Variants in KIRREL3 observed in about 807,000 individuals in gnomAD.
KIRREL3 encodes the protein kirre like nephrin family adhesion molecule 3, also known as kin of IRRE-like protein 3.
KIRREL3 carries 36 observed loss-of-function variants against 89.7 expected under a neutral mutation model. The observed-to-expected ratio is 0.40, with a 90% CI of 0.31 to 0.53. The LOEUF (loss-of-function observed/expected upper bound fraction) is 0.53, where lower values mean the gene tolerates loss of function less well. KIRREL3 is among the 20% of genes least tolerant of loss of function. The pLI, the probability that KIRREL3 is intolerant of heterozygous loss-of-function variation, is 0.49. For synonymous variants in KIRREL3, 445 were observed against 441.4 expected (o/e 1.01, Z -0.10); for missense variants, 864 against 1,056.6 (o/e 0.82, Z 2.53).
At chr11:126,451,707 C>T (rs1956179188) in intron 7 of KIRREL3, among the ~76,000 whole-genome samples, 1 of 152,152 alleles carries the variant, frequency 6.6e-6, no homozygotes, top group African/African-American at 2.4e-5. Context: ...TGAGTGTGTG[C>T]ATGTGTGAGC....
In KIRREL3 at chr11:126,640,192, G is replaced by A. The variant is rs1944415043; in HGVS notation, c.56-77280C>T. 6.6e-6 allele frequency among the ~76,000 whole-genome samples: 1 copy of A among 152,100 alleles called. No individual in the cohort carries two copies. The highest frequency in any genetic ancestry group is 1.5e-5 in the Non-Finnish European group (1 of 68,014). On this transcript the variant is annotated intron_variant, in intron 1 of 16. Transcript: ENST00000525144. The surrounding 1 kb of genome is among the most constrained non-coding windows in gnomAD (Gnocchi z 4.9). ...GTCTATCTCACTCACCCTTCAGCTG[G>A]TGAGTGGTCCCCGAGAGCTTCTGTC...
rs1199924416 is a variant in KIRREL3 at position 126,614,420 on chromosome 11, G to A, written c.56-51508C>T. On this transcript the variant is annotated intron_variant, in intron 1 of 16. Coordinates refer to ENST00000525144, the MANE Select transcript of KIRREL3 (RefSeq NM_032531.4). This position sits in a 1 kb window ranked among gnomAD's most constrained non-coding sequence, Gnocchi z 4.6. ...AGTGCAAAAGGAAAGGTTGAACTAA[G>A]ATGGATGGGTTTTAATCTTAGCTGC... Among the ~76,000 whole-genome samples, 1 of 152,196 alleles carries A rather than the reference G, an allele frequency of 6.6e-6. No homozygotes were observed. Among genetic ancestry groups the A allele is most frequent in the Admixed American group, 6.5e-5 (1 of 15,278 alleles).
chr11:126,985,066 C>A lies in KIRREL3; in HGVS notation c.55+15389G>T. On this transcript the variant is annotated intron_variant, in intron 1 of 16. Coordinates refer to ENST00000525144, the MANE Select transcript of KIRREL3 (RefSeq NM_032531.4). The surrounding 1 kb of genome is among the most constrained non-coding windows in gnomAD (Gnocchi z 5.3). ...GAAAGTGTTCTGGAACTATGAAATA[C>A]TATACACATGCAAGGAAGGATTAAA... is the stretch of plus-strand genomic sequence containing the variant. Among the ~76,000 whole-genome samples the A allele has an allele frequency of 6.6e-6, 1 of 152,164 alleles. No homozygotes were observed. The highest frequency in any genetic ancestry group is 1.5e-5 in the Non-Finnish European group (1 of 68,028).
At position 126,535,822 on chromosome 11, in the gene KIRREL3, TA is replaced by T. The variant is rs1307486955; in HGVS notation, c.134-9136del. Among the ~76,000 whole-genome samples, 1 of 152,156 alleles carries T rather than the reference TA, an allele frequency of 6.6e-6. No homozygotes were observed. The highest frequency in any genetic ancestry group is 1.5e-5 in the Non-Finnish European group (1 of 68,028). On this transcript the variant is annotated intron_variant, in intron 2 of 16. Transcript: ENST00000525144. The surrounding 1 kb of genome is among the most constrained non-coding windows in gnomAD (Gnocchi z 4.5). Reference sequence around the variant, plus strand: ...CAACATGGTGAAACCCCGTCTCTACTAAAAATACAAAAATTAGCGGGACATG... The same window carrying T: ...CAACATGGTGAAACCCCGTCTCTACTAAAATACAAAAATTAGCGGGACATG...
intron 2 of KIRREL3, among the ~76,000 whole-genome samples, chr11:126,532,894 AATTAT>A (rs559478987): frequency 2.0e-4 from 30 of 151,654 alleles, no homozygotes; most frequent in African/African-American, 5.8e-4. Context: ...TATTTAATAT[AATTAT>A]ATTATAATAT....
rs1472144118 is a variant in KIRREL3, at chr11:126,424,701, C to T, written c.2216G>A (p.Gly739Asp). Residue 739 changes from glycine (G) to aspartate (D), a missense_variant, in exon 17 of 17, where the codon GGC (glycine) becomes GAC (aspartate). Transcript: ENST00000525144. Reference sequence around the variant, plus strand: ...GCTGGCCTTGTCGAACTGCACATAGCCATCCTGCTTGCCGCTGCTGCTGAC... The same window carrying T: ...GCTGGCCTTGTCGAACTGCACATAGTCATCCTGCTTGCCGCTGCTGCTGAC... ...SSVSSSGKQD[G>D]YVQFDKASKA... The T allele has an allele frequency of 1.2e-6, 2 of 1,614,034 alleles. No homozygotes were observed. Among genetic ancestry groups the T allele is most frequent in the East Asian group, 2.2e-5 (1 of 44,874 alleles).
Position 126,898,429 on chromosome 11 carries a change from G to C in KIRREL3, c.55+102026C>G, listed in dbSNP as rs1208042771. On this transcript the variant is annotated intron_variant, in intron 1 of 16. Coordinates refer to ENST00000525144, the MANE Select transcript of KIRREL3 (RefSeq NM_032531.4). The surrounding 1 kb of genome is among the most constrained non-coding windows in gnomAD (Gnocchi z 4.9). ...GTATTGTGTGGTGGTATGAATGCTG[G>C]ATTCTCACACAGTGGGAAATTAGAA... Among the ~76,000 whole-genome samples the C allele has an allele frequency of 6.6e-6, 1 of 152,150 alleles. No homozygotes were observed. The highest frequency in any genetic ancestry group is 2.4e-5 in the African/African-American group (1 of 41,430).
At chr11:126,650,730 C>T (rs924820145) in intron 1 of KIRREL3, among the ~76,000 whole-genome samples, 14 of 152,204 alleles carry the variant, frequency 9.2e-5, no homozygotes, top group Non-Finnish European at 2.9e-5. Flanking sequence ...TCTGGGCCCT[C>T]TAACCTCTCC....
intron 1 of KIRREL3, among the ~76,000 whole-genome samples, chr11:126,928,537 T>C (rs1480610219): frequency 6.6e-6 from 1 of 152,136 alleles, no homozygotes; most frequent in Non-Finnish European, 1.5e-5. Flanking sequence ...GACACTGTCA[T>C]GAGCTGGAGG....
Position 126,430,928 on chromosome 11 carries a change from C to G in KIRREL3, c.1696+491G>C, listed in dbSNP as rs1382258775. 1.0e-6 allele frequency: 1 copy of G among 1,001,462 alleles called. No homozygotes were observed. Among genetic ancestry groups the G allele is most frequent in the African/African-American group, 1.7e-5 (1 of 58,044 alleles). 62.0% of individuals were successfully genotyped at this position (1,001,462 alleles called of 1,614,324 possible). On this transcript the variant is annotated intron_variant, in intron 14 of 16. Coordinates refer to ENST00000525144, the MANE Select transcript of KIRREL3 (RefSeq NM_032531.4). This position sits in a 1 kb window ranked among gnomAD's most constrained non-coding sequence, Gnocchi z 6.6. The stretch of plus-strand genomic sequence containing the variant: ...AACACTAGAATTTTATTGGTAATCA[C>G]TGAAGACCTTTAAAAGTTTTCTCAA...
At chr11:126,930,411 G>T (rs540640292) in intron 1 of KIRREL3, among the ~76,000 whole-genome samples, 2 of 152,170 alleles carry the variant, frequency 1.3e-5, no homozygotes, top group Non-Finnish European at 2.9e-5. Context: ...GAATTGGGCT[G>T]CTCCAGGCTG....
chr11:126,433,137 C>T (rs1321174360), intron 13 of KIRREL3, among the ~76,000 whole-genome samples: 2 of 152,288 alleles, frequency 1.3e-5, no homozygotes, highest in Middle Eastern at 3.4e-3. Flanking sequence ...CCTCAGCCTC[C>T]GAAAGTGCTG....
Position 126,647,040 on chromosome 11 carries a change from T to C in KIRREL3, c.56-84128A>G, listed in dbSNP as rs1489561132. On this transcript the variant is annotated intron_variant, in intron 1 of 16. Coordinates refer to ENST00000525144, the MANE Select transcript of KIRREL3 (RefSeq NM_032531.4). This position sits in a 1 kb window ranked among gnomAD's most constrained non-coding sequence, Gnocchi z 4.9. ...TTTTATTCCTACAGCAATTTAGTAA[T>C]GATGATGACACTTAAGCATTTAGAA... Among the ~76,000 whole-genome samples the C allele has an allele frequency of 1.3e-5, 2 of 152,214 alleles. No homozygotes were observed. The highest frequency in any genetic ancestry group is 1.5e-5 in the Non-Finnish European group (1 of 68,044).
At position 126,983,134 on chromosome 11, in the gene KIRREL3, G is replaced by C. The variant is rs1472026475; in HGVS notation, c.55+17321C>G. ...TTGATAATCCCCATAGATATACATG[G>C]GGAAGGTCATTTTTTCTAACTTATA... On this transcript the variant is annotated intron_variant, in intron 1 of 16. Transcript: ENST00000525144. This position sits in a 1 kb window ranked among gnomAD's most constrained non-coding sequence, Gnocchi z 4.9. 4.6e-5 allele frequency among the ~76,000 whole-genome samples: 7 copies of C among 152,110 alleles called. No individual in the cohort carries two copies. The highest frequency in any genetic ancestry group is 1.7e-4 in the African/African-American group (7 of 41,422).
rs1027566147 is a variant in KIRREL3 at position 126,630,703 on chromosome 11, C to G, written c.56-67791G>C. Among the ~76,000 whole-genome samples, 15 of 152,294 alleles carry G rather than the reference C, an allele frequency of 9.8e-5. No homozygotes were observed. In the East Asian group the frequency reaches 1.5e-3, roughly 16 times the overall value. ...CCTGCTTGTGCCTCAGGGCCCTAAG[C>G]TTTTAGAAGCATGCCTCACTCCCAG... On this transcript the variant is annotated intron_variant, in intron 1 of 16. Coordinates refer to ENST00000525144, the MANE Select transcript of KIRREL3 (RefSeq NM_032531.4).
In KIRREL3 at chr11:126,877,588, T is replaced by C. The variant is rs1945338485; in HGVS notation, c.55+122867A>G. 1.3e-5 allele frequency among the ~76,000 whole-genome samples: 2 copies of C among 152,240 alleles called. No individual in the cohort carries two copies. The highest frequency in any genetic ancestry group is 2.4e-5 in the African/African-American group (1 of 41,464). On this transcript the variant is annotated intron_variant, in intron 1 of 16. Transcript: ENST00000525144. This position sits in a 1 kb window ranked among gnomAD's most constrained non-coding sequence, Gnocchi z 4.9. Reference sequence around the variant, plus strand: ...AGAGCTAAAATAATTCCAGAATCAATTGACGTAGATGAAAGCATTTTTGAC... The same window carrying C: ...AGAGCTAAAATAATTCCAGAATCAACTGACGTAGATGAAAGCATTTTTGAC...
At chr11:126,856,059 T>C (rs1944496289) in intron 1 of KIRREL3, among the ~76,000 whole-genome samples, 1 of 152,202 alleles carries the variant, frequency 6.6e-6, no homozygotes, top group Non-Finnish European at 1.5e-5. Context: ...TGAAAGTCCC[T>C]AAAATGCACC....
chr11:126,633,272 G>A (rs1429587213), intron 1 of KIRREL3, among the ~76,000 whole-genome samples: 2 of 152,070 alleles, frequency 1.3e-5, no homozygotes, highest in African/African-American at 4.8e-5. Context: ...GTCAATAAGT[G>A]CAGCAAACCA....
At chr11:126,483,519 A>G (rs912795343) in intron 4 of KIRREL3, among the ~76,000 whole-genome samples, 3 of 152,210 alleles carry the variant, frequency 2.0e-5, no homozygotes, top group Non-Finnish European at 4.4e-5. Flanking sequence ...GGCCCACGGC[A>G]TCAACTGTCT....
Sources: allele counts gnomAD v4.1 joint callset (sites outside exome capture counted in the v4.1 genomes callset), GRCh38; gene constraint gnomAD v4.1.1; non-coding constraint Gnocchi (gnomAD v3.1); transcripts MANE v1.5; gene names NCBI Gene and HGNC (gene_info 2026-07-23, HGNC 2026-07-21).